GRK7: variants seen among roughly 807,000 people sequenced by gnomAD.
The protein encoded by GRK7 is rhodopsin kinase GRK7.
Under a neutral mutation model 34.1 loss-of-function variants are expected in GRK7, and 24 were observed. The observed-to-expected ratio is 0.70, with a 90% confidence interval of 0.51 to 0.99. The LOEUF (loss-of-function observed/expected upper bound fraction) is 0.99. Among genes scored for constraint, GRK7 ranks in the 50% least tolerant of loss-of-function variants. The probability of loss-of-function intolerance (pLI) is 0.00; values close to 1 mark genes in which losing one functional copy is unlikely to be tolerated. For missense variants in GRK7, 644 were observed against 707.3 expected (o/e 0.91, Z 1.02); for synonymous variants, 256 against 279.4 (o/e 0.92, Z 0.84).
At chr3:141,753,110 G>A in the GRK7 span, among the ~76,000 whole-genome samples, 3 of 152,196 alleles carry the variant, frequency 2.0e-5, no homozygotes, top group Admixed American at 6.5e-5. Flanking sequence ...AAAATGGTCC[G>A]AATGCAGGCA....
At chr3:141,800,056 G>A (rs545791525) in intron 4 of GRK7, among the ~76,000 whole-genome samples, 8 of 152,242 alleles carry the variant, frequency 5.3e-5, no homozygotes, top group Admixed American at 1.3e-4. Context: ...ACTTAACTTC[G>A]TTTGGATGTT....
chr3:141,781,264 G>C (rs1170989376), intron 4 of GRK7, among the ~76,000 whole-genome samples: 5 of 152,162 alleles, frequency 3.3e-5, no homozygotes, highest in Non-Finnish European at 5.9e-5. Flanking sequence ...GGCTGGGTGT[G>C]ATGGCTCACG....
rs976432669 is a variant in GRK7 at position 141,818,307 on chromosome 3, C to G, written c.*1257C>G. On this transcript the variant is annotated 3_prime_UTR_variant, in exon 6 of 6. Coordinates refer to ENST00000682958, the MANE Select transcript of GRK7 (RefSeq NM_139209.3). ...CTAGCCTGGCCAACATGTTGTAAACCCCGTCTCTACTAAAAATACAAAAAT... is the reference window on the plus strand; with the variant it reads ...CTAGCCTGGCCAACATGTTGTAAACGCCGTCTCTACTAAAAATACAAAAAT... The G allele has an allele frequency of 2.6e-5, 4 of 152,010 alleles. No homozygotes were observed. The highest frequency in any genetic ancestry group is 6.6e-5 in the Admixed American group (1 of 15,234). 9.4% of individuals were successfully genotyped at this position (152,010 alleles called of 1,614,324 possible).
At chr3:141,786,299 A>T (rs1347402458) in intron 4 of GRK7, among the ~76,000 whole-genome samples, 1 of 152,198 alleles carries the variant, frequency 6.6e-6, no homozygotes, top group Non-Finnish European at 1.5e-5. Context: ...AGACATTGGA[A>T]CTAAAGAATG....
At chr3:141,804,531 A>AAC (rs536597085) in intron 4 of GRK7, among the ~76,000 whole-genome samples, 4 of 151,724 alleles carry the variant, frequency 2.6e-5, no homozygotes, top group African/African-American at 4.8e-5. Flanking sequence ...AAGTATTCTC[A>AAC]ACACACACAC....
chr3:141,755,503 AAAG>A, the GRK7 span, among the ~76,000 whole-genome samples: 2 of 152,250 alleles, frequency 1.3e-5, no homozygotes, highest in East Asian at 3.8e-4. Flanking sequence ...AAGATTTATT[AAAG>A]AGGTGGATAT....
At chr3:141,804,722 TACAC>T (rs1388118850) in intron 4 of GRK7, among the ~76,000 whole-genome samples, 2 of 148,904 alleles carry the variant, frequency 1.3e-5, no homozygotes, top group African/African-American at 5.0e-5. Context: ...CATTCACACA[TACAC>T]TCACCCTCAC....
At chr3:141,770,994 CAAA>C (rs55988355) in intron 1 of GRK7, among the ~76,000 whole-genome samples, 8 of 84,730 alleles carry the variant, frequency 9.4e-5, no homozygotes, top group Admixed American at 1.4e-4. Context: ...TACCCAGTCT[CAAA>C]AAAAAAAAAA....
chr3:141,804,020 C>T (rs1027226451), intron 4 of GRK7, among the ~76,000 whole-genome samples: 2 of 152,140 alleles, frequency 1.3e-5, no homozygotes, highest in Admixed American at 6.5e-5. Flanking sequence ...GTACTTCATT[C>T]CTTTCTATGG....
chr3:141,795,288 T>TG (rs1444928639), intron 4 of GRK7, among the ~76,000 whole-genome samples: 2 of 148,502 alleles, frequency 1.3e-5, no homozygotes, highest in African/African-American at 5.1e-5. Context: ...TTGTCATGAC[T>TG]GGGGAACTGC....
At chr3:141,803,282 A>G (rs1184161021) in intron 4 of GRK7, among the ~76,000 whole-genome samples, 2 of 151,490 alleles carry the variant, frequency 1.3e-5, no homozygotes, top group East Asian at 1.9e-4. Context: ...AAAAAAAAAA[A>G]AAAGCCAGGC....
At chr3:141,751,053 A>AC in the GRK7 span, among the ~76,000 whole-genome samples, 1 of 152,228 alleles carries the variant, frequency 6.6e-6, no homozygotes, top group Non-Finnish European at 1.5e-5. Context: ...ATCTCAAAAC[A>AC]AAACAAAAAG....
Position 141,780,691 on chromosome 3 carries a change from C to T in GRK7, c.930C>T (p.Leu310=), listed in dbSNP as rs759391434. 1 of 1,614,166 alleles carries T rather than the reference C, an allele frequency of 6.2e-7. No homozygotes were observed. The highest frequency in any genetic ancestry group is 8.5e-7 in the Non-Finnish European group (1 of 1,180,036). Residue 310 remains leucine (L), a synonymous_variant, in exon 4 of 6, where the codon CTC becomes CTT. Transcript: ENST00000682958. ...IACGMLHLHE[L]GIVYRDMKPE... Reference sequence around the variant, plus strand: ...GTGGGATGCTGCACCTCCATGAACTCGGCATCGTCTATCGGGACATGAAGC... The same window carrying T: ...GTGGGATGCTGCACCTCCATGAACTTGGCATCGTCTATCGGGACATGAAGC...
intron 1 of GRK7, among the ~76,000 whole-genome samples, chr3:141,769,630 G>A (rs1308127492): frequency 2.6e-5 from 4 of 152,148 alleles, no homozygotes; most frequent in Non-Finnish European, 5.9e-5. Context: ...TGTATCTGCA[G>A]GGACTCACCC....
the GRK7 span, among the ~76,000 whole-genome samples, chr3:141,750,761 A>T: frequency 7.1e-6 from 1 of 141,774 alleles, no homozygotes; most frequent in South Asian, 2.3e-4. Flanking sequence ...AGTGGTTTAT[A>T]ACCTTTTTTT....
intron 4 of GRK7, among the ~76,000 whole-genome samples, chr3:141,789,536 G>A (rs1324718203): frequency 6.6e-6 from 1 of 152,094 alleles, no homozygotes; most frequent in African/African-American, 2.4e-5. Context: ...CTAGATCACT[G>A]CCTGTCCCAG....
the GRK7 span, among the ~76,000 whole-genome samples, chr3:141,756,191 G>C: frequency 6.6e-6 from 1 of 151,798 alleles, no homozygotes; most frequent in Non-Finnish European, 1.5e-5. Context: ...GCATGCCTGT[G>C]ATCCTAGCTA....
In GRK7 at chr3:141,778,800, C is replaced by T. The variant is rs202140465; in HGVS notation, c.516C>T (p.Tyr172=). The part of the protein sequence containing the change: ...PFKDFVTSAF[Y]DKFLQWKLFE... ...AGGATTTCGTGACCAGCGCCTTCTA[C>T]GACAAGTTTCTGCAGTGGAAACTCT... The change falls in exon 3 of 6, where the codon TAC becomes TAT. Residue 172 remains tyrosine (Y), a synonymous_variant. Coordinates refer to ENST00000682958, the MANE Select transcript of GRK7 (RefSeq NM_139209.3). This position sits in a 1 kb window ranked among gnomAD's most constrained non-coding sequence, Gnocchi z 4.1. 1.7e-5 allele frequency: 28 copies of T among 1,609,418 alleles called. No homozygotes were observed. Among genetic ancestry groups the T allele is most frequent in the East Asian group, 1.1e-4 (5 of 44,870 alleles).
In GRK7 at chr3:141,813,282, C is replaced by T. The variant is rs897580061; in HGVS notation, c.1326-3432C>T. 3.3e-5 allele frequency among the ~76,000 whole-genome samples: 5 copies of T among 152,212 alleles called. No homozygotes were observed. The East Asian group carries it at 9.7e-4, about 29-fold the overall frequency. ...CTGGGATTATAGGCATGTGCCACCACGCCTGACTAATTTTTGTATTTTTTA... is the reference window on the plus strand; with the variant it reads ...CTGGGATTATAGGCATGTGCCACCATGCCTGACTAATTTTTGTATTTTTTA... On this transcript the variant is annotated intron_variant, in intron 5 of 5. Coordinates refer to ENST00000682958, the MANE Select transcript of GRK7 (RefSeq NM_139209.3).
Sources: allele counts gnomAD v4.1 joint callset (sites outside exome capture counted in the v4.1 genomes callset), GRCh38; gene constraint gnomAD v4.1.1; non-coding constraint Gnocchi (gnomAD v3.1); transcripts MANE v1.5; gene names NCBI Gene and HGNC (gene_info 2026-07-23, HGNC 2026-07-21).